Variants in NECTIN1 observed in about 807,000 individuals in gnomAD.
NECTIN1 encodes the protein nectin cell adhesion molecule 1.
In NECTIN1, 23 loss-of-function variants were observed where a neutral mutation model predicts 48.0. The ratio of observed to expected loss-of-function variants is 0.48; its 90% confidence interval spans 0.34 to 0.68. The LOEUF is 0.68. Among genes scored for constraint, NECTIN1 ranks in the 30% least tolerant of loss-of-function variants. NECTIN1 has a pLI of 0.01. For missense variants in NECTIN1, 591 were observed against 709.9 expected (o/e 0.83, Z 1.90); for synonymous variants, 270 against 288.9 (o/e 0.93, Z 0.66).
At position 119,660,999 on chromosome 11, in the gene NECTIN1, T is replaced by G; in HGVS notation, c.*3748A>C. On this transcript the variant is annotated 3_prime_UTR_variant, in exon 6 of 6. Coordinates refer to ENST00000264025, the MANE Select transcript of NECTIN1 (RefSeq NM_002855.5). The stretch of plus-strand genomic sequence containing the variant: ...TGATGGGATGCAAACCAGTTTGTTT[T>G]AAACACTTTATTTATAAAAAAGTAC... The G allele has an allele frequency of 1.0e-6, 1 of 978,988 alleles. No homozygotes were observed. The highest frequency in any genetic ancestry group is 1.1e-4 in the East Asian group (1 of 8,756). The allele number at this position is 978,988 out of a possible 1,614,324, so 60.6% of individuals were successfully genotyped here.
chr11:119,665,035 TGAGTCGTCG>T lies in NECTIN1; in HGVS notation c.1257_1265del (p.Ser422_Asp424del). 1.2e-6 allele frequency: 2 copies of T among 1,613,876 alleles called. No homozygotes were observed. Among genetic ancestry groups the T allele is most frequent in the South Asian group, 2.2e-5 (2 of 91,086 alleles). ...GTGGGCCGGCCTTCTTCTCGTCGTC[TGAGTCGTCG>T]GGGTACTGCAGGTTCTGTGCCATTG... is the stretch of plus-strand genomic sequence containing the variant. On this transcript the variant is annotated inframe_deletion, in exon 6 of 6. Coordinates refer to ENST00000264025, the MANE Select transcript of NECTIN1 (RefSeq NM_002855.5). This position sits in a 1 kb window ranked among gnomAD's most constrained non-coding sequence, Gnocchi z 5.1.
chr11:119,677,614 G>A lies in NECTIN1; in HGVS notation c.674C>T (p.Ala225Val). 6.2e-7 allele frequency: 1 copy of A among 1,613,566 alleles called. No homozygotes were observed. The highest frequency in any genetic ancestry group is 2.2e-5 in the East Asian group (1 of 44,876). ...PSREAHQQSLACIVNYHMDRF... is the reference protein window; with the variant it reads ...PSREAHQQSLVCIVNYHMDRF... ...GTCCATGTGGTAGTTGACGATGCAG[G>A]CCAAGGACTGCTGGTGGGCTTCCCT... The change falls in exon 3 of 6, where the codon GCC becomes GTC. Residue 225 changes from alanine (A) to valine (V), a missense_variant. Ala to Val is a moderately conservative substitution (Grantham distance 64, BLOSUM62 0). Transcript: ENST00000264025. The surrounding 1 kb of genome is among the most constrained non-coding windows in gnomAD (Gnocchi z 5.4).
At chr11:119,698,503 G>T (rs1865381553) in intron 1 of NECTIN1, among the ~76,000 whole-genome samples, 1 of 152,242 alleles carries the variant, frequency 6.6e-6, no homozygotes, top group South Asian at 2.1e-4. Context: ...TCTGTCCCAT[G>T]GTGTGCTTGG....
rs146567321 is a variant in NECTIN1 at position 119,677,670 on chromosome 11, C to T, written c.618G>A (p.Thr206=). Residue 206 remains threonine (T), a synonymous_variant, in exon 3 of 6, where the codon ACG becomes ACA. Coordinates refer to ENST00000264025, the MANE Select transcript of NECTIN1 (RefSeq NM_002855.5). The surrounding 1 kb of genome is among the most constrained non-coding windows in gnomAD (Gnocchi z 5.4). ...GCACCAGGCGGTAGCGGCTGATGAC[C>T]GTCACTGTGCCATTGGGGTTCCGGA... The part of the protein sequence containing the change: ...QEIRNPNGTV[T]VISRYRLVPS... The T allele has an allele frequency of 2.2e-4, 349 of 1,613,974 alleles. No individual in the cohort carries two copies. Among genetic ancestry groups the T allele is most frequent in the Non-Finnish European group, 2.7e-4 (320 of 1,180,026 alleles).
chr11:119,656,405 T>C (rs1253942643), downstream of NECTIN1: 1 of 152,134 alleles, frequency 6.6e-6, no homozygotes, highest in Non-Finnish European at 1.5e-5. Flanking sequence ...TTGTGAAGCA[T>C]CACATTAAAA....
chr11:119,666,751 A>G (rs1458142620), intron 5 of NECTIN1, among the ~76,000 whole-genome samples: 1 of 151,476 alleles, frequency 6.6e-6, no homozygotes. Flanking sequence ...AGTATCTCTC[A>G]CTCCATGGGA....
chr11:119,691,258 A>G (rs1865246812), intron 1 of NECTIN1, among the ~76,000 whole-genome samples: 1 of 152,220 alleles, frequency 6.6e-6, no homozygotes, highest in East Asian at 1.9e-4. Context: ...AACTCCACGC[A>G]TGGCCCTCAG....
intron 5 of NECTIN1, chr11:119,642,752 C>T (rs1255604126): frequency 6.5e-6 from 1 of 153,586 alleles, no homozygotes; most frequent in Admixed American, 6.5e-5. Flanking sequence ...ATAACCTATA[C>T]ACATCCTCCC....
In NECTIN1 at chr11:119,675,219, T is replaced by C. The variant is rs199876504; in HGVS notation, c.943A>G (p.Ile315Val). ...PINYSLAGTYICEATNPIGTR... is the reference protein window; with the variant it reads ...PINYSLAGTYVCEATNPIGTR... ...CCGATGGGGTTGGTGGCCTCACAGA[T>C]GTAGGTCCCTGCCAGGCTGTAGTTG... The change falls in exon 5 of 6, where the codon ATC becomes GTC. Residue 315 changes from isoleucine to valine, a missense_variant. By Grantham distance (29) the Ile-to-Val change is conservative. Transcript: ENST00000264025. 8.1e-6 allele frequency: 13 copies of C among 1,613,972 alleles called. No homozygotes were observed. In the South Asian group the frequency reaches 1.2e-4, roughly 15 times the overall value.
chr11:119,717,799 T>C (rs1286576225), intron 1 of NECTIN1, among the ~76,000 whole-genome samples: 1 of 152,194 alleles, frequency 6.6e-6, no homozygotes, highest in African/African-American at 2.4e-5. Flanking sequence ...CTCTGGGCAA[T>C]GCTGGTCCCT....
intron 1 of NECTIN1, among the ~76,000 whole-genome samples, chr11:119,724,745 A>G (rs1399749177): frequency 6.6e-6 from 1 of 152,180 alleles, no homozygotes; most frequent in Non-Finnish European, 1.5e-5. Context: ...ATGCACACAC[A>G]CACAGTGAAT....
At chr11:119,649,109 G>A (rs753598105) in intron 5 of NECTIN1, among the ~76,000 whole-genome samples, 4 of 152,210 alleles carry the variant, frequency 2.6e-5, no homozygotes, top group Non-Finnish European at 5.9e-5. Context: ...GGCCGGGCAC[G>A]GTGGCTCATG....
chr11:119,651,163 C>T (rs888920438), intron 5 of NECTIN1, among the ~76,000 whole-genome samples: 6 of 152,166 alleles, frequency 3.9e-5, no homozygotes, highest in Non-Finnish European at 7.4e-5. Context: ...TGGGAGGTAA[C>T]AGCAGAAAAC....
intron 5 of NECTIN1, chr11:119,640,473 G>A (rs969802468): frequency 1.0e-5 from 2 of 196,960 alleles, no homozygotes; most frequent in South Asian, 1.0e-4. Flanking sequence ...GGGAAAGGCA[G>A]GAGCTGGGAG....
chr11:119,718,479 G>C (rs913081082), intron 1 of NECTIN1, among the ~76,000 whole-genome samples: 2 of 152,172 alleles, frequency 1.3e-5, no homozygotes, highest in Non-Finnish European at 2.9e-5. Flanking sequence ...GCCCTCCCTT[G>C]CCATCTTTTG....
intron 7 of NECTIN1, chr11:119,638,675 C>A: frequency 6.7e-7 from 1 of 1,500,916 alleles, no homozygotes; most frequent in Non-Finnish European, 9.2e-7. Context: ...GGCCATCTCC[C>A]ATTTTTCTCC....
chr11:119,663,596 T>G lies in NECTIN1; in HGVS notation c.*1151A>C, dbSNP rs1056477007. Reference sequence around the variant, plus strand: ...CTGTGTTTGCAGAGCTTCTGCCATGTGGGCTTCCTTCCCCACTACCCTCCG... The same window carrying G: ...CTGTGTTTGCAGAGCTTCTGCCATGGGGGCTTCCTTCCCCACTACCCTCCG... On this transcript the variant is annotated 3_prime_UTR_variant, in exon 6 of 6. Transcript: ENST00000264025. 5.8e-5 allele frequency: 57 copies of G among 985,532 alleles called. No homozygotes were observed. In the Middle Eastern group the frequency reaches 2.1e-3, roughly 36 times the overall value. The allele number at this position is 985,532 out of a possible 1,614,324, so 61.0% of individuals were successfully genotyped here. A position where few individuals can be genotyped will look rare whatever the true frequency, so the allele number is the denominator to read the frequency against.
In NECTIN1 at chr11:119,726,462, C is replaced by T. The variant is rs77553561; in HGVS notation, c.79+2013G>A. On this transcript the variant is annotated intron_variant, in intron 1 of 5. Coordinates refer to ENST00000264025, the MANE Select transcript of NECTIN1 (RefSeq NM_002855.5). Reference sequence around the variant, plus strand: ...ATGGATGCTACCCATCAGTCAATTACAGTCAATGGAAGAGCATTTATTAAG... The same window carrying T: ...ATGGATGCTACCCATCAGTCAATTATAGTCAATGGAAGAGCATTTATTAAG... Among the ~76,000 whole-genome samples the T allele has an allele frequency of 7.6e-3, 1,158 of 152,314 alleles. 14 individuals carry two copies. Among genetic ancestry groups the T allele is most frequent in the African/African-American group, 0.027 (1,129 of 41,562 alleles).
Position 119,677,054 on chromosome 11 carries a change from T to C in NECTIN1, c.851+48A>G, listed in dbSNP as rs757195790. The C allele has an allele frequency of 6.6e-7, 1 of 1,519,968 alleles. No individual in the cohort carries two copies. Among genetic ancestry groups the C allele is most frequent in the Non-Finnish European group, 9.1e-7 (1 of 1,094,274 alleles). 94.2% of individuals were successfully genotyped at this position (1,519,968 alleles called of 1,614,324 possible). ...GATGGTTGCCCCTCATCACCCGTGG[T>C]CCAGTCAGCTGTCTTCCAAGGTGAC... is the stretch of plus-strand genomic sequence containing the variant. On this transcript the variant is annotated intron_variant, in intron 4 of 5. Coordinates refer to ENST00000264025, the MANE Select transcript of NECTIN1 (RefSeq NM_002855.5). The surrounding 1 kb of genome is among the most constrained non-coding windows in gnomAD (Gnocchi z 5.4).
Sources: gnomAD v4.1 joint callset for allele counts (sites outside exome capture counted in the v4.1 genomes callset) on GRCh38, gnomAD v4.1.1 for gene constraint, Gnocchi (gnomAD v3.1) non-coding constraint, MANE v1.5 for transcripts, NCBI Gene and HGNC (gene_info 2026-07-23, HGNC 2026-07-21) for gene names.